The following LRP1B variants were observed in gnomAD, a reference collection of about 807,000 sequenced individuals.
The protein encoded by LRP1B is low-density lipoprotein receptor-related protein 1B.
In LRP1B, 217 loss-of-function variants were observed where a neutral mutation model predicts 556.6. The ratio of observed to expected loss-of-function variants is 0.39; its 90% CI spans 0.35 to 0.44. The LOEUF (loss-of-function observed/expected upper bound fraction) is 0.44, where lower values mean the gene tolerates loss of function less well. Ranked by LOEUF, LRP1B falls within the 20% of genes least tolerant of loss-of-function variation. The pLI, the probability that LRP1B is intolerant of heterozygous loss-of-function variation, is 1.00. For synonymous variants in LRP1B, 2,047 were observed against 1,865.8 expected (o/e 1.10, Z -2.50); for missense variants, 5,053 against 5,620.8 (o/e 0.90, Z 3.23).
rs2105232499 is a variant in LRP1B at position 140,908,076 on chromosome 2, C to T, written c.3321G>A (p.Gly1107=). 6.2e-7 allele frequency: 1 copy of T among 1,611,180 alleles called. No homozygotes were observed. Among genetic ancestry groups the T allele is most frequent in the East Asian group, 2.2e-5 (1 of 44,750 alleles). Residue 1107 remains glycine, a splice_region_variant and synonymous_variant, in exon 22 of 91, where the codon GGG becomes GGA. Coordinates refer to ENST00000389484, the MANE Select transcript of LRP1B (RefSeq NM_018557.3). ...HKTKFSCWST[G]RCINKAWVCD... Reference sequence around the variant, plus strand: ...ACACCCATGCTTTGTTGATGCATCTCCCTTAAGAAAACAGAAATAGTGTCA... The same window carrying T: ...ACACCCATGCTTTGTTGATGCATCTTCCTTAAGAAAACAGAAATAGTGTCA...
intron 1 of LRP1B, among the ~76,000 whole-genome samples, chr2:142,074,564 G>C (rs542511217): frequency 6.6e-6 from 1 of 151,892 alleles, no homozygotes; most frequent in Non-Finnish European, 1.5e-5. Flanking sequence ...CTTCTCTGTA[G>C]AACTCCTGTG....
At chr2:141,175,856 G>A (rs1680710540) in intron 7 of LRP1B, among the ~76,000 whole-genome samples, 1 of 152,142 alleles carries the variant, frequency 6.6e-6, no homozygotes. Context: ...ACCATGAAGA[G>A]CCACAAGGGC....
chr2:140,528,339 C>G (rs1042484548), intron 47 of LRP1B, among the ~76,000 whole-genome samples: 17 of 151,790 alleles, frequency 1.1e-4, no homozygotes, highest in African/African-American at 3.9e-4. Context: ...AATAGAGGAC[C>G]TTGAACTACA....
intron 23 of LRP1B, among the ~76,000 whole-genome samples, chr2:140,890,780 A>C (rs1693774417): frequency 1.3e-5 from 2 of 152,066 alleles, no homozygotes; most frequent in African/African-American, 4.8e-5. Flanking sequence ...CCAGTGGGAA[A>C]TCATGAAGAT....
intron 71 of LRP1B, among the ~76,000 whole-genome samples, chr2:140,369,411 T>A (rs898158617): frequency 5.9e-5 from 9 of 152,054 alleles, no homozygotes; most frequent in African/African-American, 2.2e-4. Flanking sequence ...AAGGAGTAGC[T>A]TAATTGTCAT....
At chr2:141,451,625 T>A (rs35599654) in intron 3 of LRP1B, among the ~76,000 whole-genome samples, 25,204 of 152,072 alleles carry the variant, frequency 0.17, 2,372 homozygotes, top group South Asian at 0.32. Context: ...AAGTTATACG[T>A]TATAAAAAAA....
rs1165819430 is a variant in LRP1B, at chr2:141,911,925, A to G, written c.83-101524T>C. On this transcript the variant is annotated intron_variant, in intron 1 of 90. Coordinates refer to ENST00000389484, the MANE Select transcript of LRP1B (RefSeq NM_018557.3). ...TTTCCTTGATTGGCTCCTAAATCTC[A>G]TGAACCCCCTACAAGCATGCACCAC... 2.6e-5 allele frequency among the ~76,000 whole-genome samples: 4 copies of G among 152,228 alleles called. No homozygotes were observed. In the East Asian group the frequency reaches 7.7e-4, roughly 29 times the overall value.
intron 43 of LRP1B, among the ~76,000 whole-genome samples, chr2:140,550,579 C>T (rs930860499): frequency 2.0e-5 from 3 of 152,228 alleles, no homozygotes; most frequent in Admixed American, 1.3e-4. Context: ...TGCTGTAAAA[C>T]AGTGATTTTC....
At chr2:141,544,568 G>A (rs755659653) in intron 2 of LRP1B, among the ~76,000 whole-genome samples, 6 of 150,652 alleles carry the variant, frequency 4.0e-5, no homozygotes, top group Non-Finnish European at 5.9e-5. Flanking sequence ...GGTGTGAGCC[G>A]CTGCATGCAG....
chr2:140,968,815 T>C (rs1456497009), intron 18 of LRP1B, among the ~76,000 whole-genome samples: 6 of 152,228 alleles, frequency 3.9e-5, no homozygotes, highest in Non-Finnish European at 8.8e-5. Flanking sequence ...AGCAGATTGT[T>C]CAGTTTCCAT....
chr2:141,395,358 C>T (rs1690203236), intron 3 of LRP1B, among the ~76,000 whole-genome samples: 1 of 151,952 alleles, frequency 6.6e-6, no homozygotes, highest in African/African-American at 2.4e-5. Flanking sequence ...TGTCTTGATA[C>T]ACAAGTTCTT....
intron 3 of LRP1B, among the ~76,000 whole-genome samples, chr2:141,378,047 A>G (rs6413976): frequency 0.98 from 149,996 of 152,300 alleles, 73,900 homozygotes; most frequent in East Asian, 1. Flanking sequence ...CCTGCTTTTG[A>G]CTTTTATGCT....
At chr2:141,028,071 A>G (rs1487266399) in intron 11 of LRP1B, among the ~76,000 whole-genome samples, 1 of 152,240 alleles carries the variant, frequency 6.6e-6, no homozygotes, top group Non-Finnish European at 1.5e-5. Context: ...TCTCTGTACT[A>G]TTTTGCAAAT....
intron 2 of LRP1B, among the ~76,000 whole-genome samples, chr2:141,732,284 T>C (rs1281388562): frequency 3.9e-5 from 6 of 152,140 alleles, no homozygotes; most frequent in Non-Finnish European, 7.4e-5. Context: ...CCCTCTGGAG[T>C]AGATAGTAGG....
At chr2:140,918,064 A>G (rs1355325909) in intron 21 of LRP1B, among the ~76,000 whole-genome samples, 2 of 151,970 alleles carry the variant, frequency 1.3e-5, no homozygotes, top group Non-Finnish European at 2.9e-5. Context: ...TATATTACCC[A>G]TTTTATTCAG....
chr2:140,789,354 T>C (rs903694684), intron 32 of LRP1B, among the ~76,000 whole-genome samples: 2 of 152,158 alleles, frequency 1.3e-5, no homozygotes, highest in African/African-American at 2.4e-5. Context: ...CAAGCTATCA[T>C]AGTCTCTCCC....
At chr2:141,153,351 T>TTATATATAATAATATATATA in intron 7 of LRP1B, among the ~76,000 whole-genome samples, 1 of 121,406 alleles carries the variant, frequency 8.2e-6, no homozygotes, top group Admixed American at 1.1e-4. Flanking sequence ...TATTATATAT[T>TTATATATAATAATATATATA]AGCTATATAT....
At chr2:140,264,584 C>CAGGTGAT (rs1290305069) in intron 86 of LRP1B, among the ~76,000 whole-genome samples, 2 of 152,036 alleles carry the variant, frequency 1.3e-5, no homozygotes, top group African/African-American at 4.8e-5. Flanking sequence ...TTTAAAGGCC[C>CAGGTGAT]TATCTCCAAA....
intron 2 of LRP1B, among the ~76,000 whole-genome samples, chr2:141,766,502 C>A (rs547906747): frequency 4.0e-4 from 61 of 152,298 alleles, no homozygotes; most frequent in Middle Eastern, 6.8e-3. Flanking sequence ...AAAGCAGGAA[C>A]TAGCTTTCTA....
Sources: gnomAD v4.1 joint callset for allele counts (sites outside exome capture counted in the v4.1 genomes callset) on GRCh38, gnomAD v4.1.1 for gene constraint, MANE v1.5 for transcripts, NCBI Gene and HGNC (gene_info 2026-07-23, HGNC 2026-07-21) for gene names.